Variants in CSMD1 observed in about 807,000 individuals in gnomAD.
CSMD1 encodes CUB and Sushi multiple domains 1.
A neutral mutation model predicts 417.5 loss-of-function variants in CSMD1; 213 were observed. The observed-to-expected ratio is 0.51, with a 90% CI of 0.46 to 0.57. The LOEUF (loss-of-function observed/expected upper bound fraction) is 0.57. CSMD1 is among the 20% of genes least tolerant of loss of function. The probability of loss-of-function intolerance (pLI) is 0.00; values close to 1 mark genes in which losing one functional copy is unlikely to be tolerated. For missense variants in CSMD1, 6,923 were observed against 4,529.7 expected (o/e 1.53, Z -15.17); for synonymous variants, 2,862 against 1,736.8 (o/e 1.65, Z -16.11).
At position 3,398,782 on chromosome 8, in the gene CSMD1, T is replaced by C. The variant is rs1384208705; in HGVS notation, c.2405+609A>G. Among the ~76,000 whole-genome samples, 6 of 152,204 alleles carry C rather than the reference T, an allele frequency of 3.9e-5. No individual in the cohort carries two copies. In the East Asian group the frequency reaches 9.6e-4, roughly 24 times the overall value. The stretch of plus-strand genomic sequence containing the variant: ...GAGAAATGGGAAAACCCTTCTTATA[T>C]AGAACTCCAATAGCCTGCTTATTTT... On this transcript the variant is annotated intron_variant, in intron 16 of 69. Transcript: ENST00000635120.
Position 4,787,595 on chromosome 8 carries a change from C to G in CSMD1, c.86-150037G>C, listed in dbSNP as rs1453203099. 1.6e-5 allele frequency: 25 copies of G among 1,539,812 alleles called. No homozygotes were observed. In the East Asian group the frequency reaches 4.7e-4, roughly 29 times the overall value. ...CATTGCACCCCAGTGCGAAATGATT[C>G]CAATTGAATGGGTTTGCAGAAGAAT... On this transcript the variant is annotated intron_variant, in intron 1 of 69. Transcript: ENST00000635120.
At chr8:3,957,876 G>C (rs1447093521) in intron 5 of CSMD1, among the ~76,000 whole-genome samples, 2 of 152,192 alleles carry the variant, frequency 1.3e-5, no homozygotes, top group Non-Finnish European at 2.9e-5. Flanking sequence ...GAGCCGATGT[G>C]GGGCTATCGC....
chr8:4,432,298 G>T lies in CSMD1; in HGVS notation c.303-12233C>A, dbSNP rs578052929. On this transcript the variant is annotated intron_variant, in intron 2 of 69. Coordinates refer to ENST00000635120, the MANE Select transcript of CSMD1 (RefSeq NM_033225.6). ...AGGTGTAGGTTTTTATGAGGCAAGA[G>T]CCCAGAGACTAGGCAGCTTAAGTAA... Among the ~76,000 whole-genome samples the T allele has an allele frequency of 9.2e-5, 14 of 152,250 alleles. No homozygotes were observed. In the South Asian group the frequency reaches 2.9e-3, roughly 32 times the overall value.
intron 3 of CSMD1, among the ~76,000 whole-genome samples, chr8:4,163,767 G>T (rs962616715): frequency 2.0e-5 from 3 of 152,010 alleles, no homozygotes; most frequent in Admixed American, 2.0e-4. Context: ...TTACAATTTT[G>T]GAAATGTAAT....
intron 2 of CSMD1, among the ~76,000 whole-genome samples, chr8:4,438,675 C>T (rs1461986348): frequency 6.6e-6 from 1 of 152,192 alleles, no homozygotes; most frequent in East Asian, 1.9e-4. Flanking sequence ...CAGGTAGAGC[C>T]ACTTATGCAA....
chr8:3,833,503 T>G (rs1802489229), intron 5 of CSMD1, among the ~76,000 whole-genome samples: 1 of 152,120 alleles, frequency 6.6e-6, no homozygotes, highest in Non-Finnish European at 1.5e-5. Flanking sequence ...AGCCCTTTCC[T>G]CATTCATATT....
intron 3 of CSMD1, among the ~76,000 whole-genome samples, chr8:4,144,864 C>G (rs1307157928): frequency 1.3e-5 from 2 of 150,886 alleles, no homozygotes; most frequent in Non-Finnish European, 2.9e-5. Context: ...AATTGTGTCC[C>G]TGGGAGAAGC....
intron 11 of CSMD1, among the ~76,000 whole-genome samples, chr8:3,487,694 A>G (rs1818135719): frequency 6.6e-6 from 1 of 152,176 alleles, no homozygotes; most frequent in African/African-American, 2.4e-5. Flanking sequence ...CTACAAACAC[A>G]TTGTCAAGAA....
intron 5 of CSMD1, among the ~76,000 whole-genome samples, chr8:3,809,310 G>A (rs2129076117): frequency 6.6e-6 from 1 of 152,256 alleles, no homozygotes; most frequent in African/African-American, 2.4e-5. Context: ...TTCATTGAAA[G>A]TTCTTGTTCA....
chr8:4,015,923 AC>A (rs1796501322), intron 4 of CSMD1, among the ~76,000 whole-genome samples: 1 of 152,192 alleles, frequency 6.6e-6, no homozygotes, highest in Non-Finnish European at 1.5e-5. Flanking sequence ...GCAACAAACA[AC>A]AAAATGTCTC....
chr8:3,400,880 A>C (rs908750875), intron 15 of CSMD1, among the ~76,000 whole-genome samples: 1 of 151,338 alleles, frequency 6.6e-6, no homozygotes, highest in Non-Finnish European at 1.5e-5. Flanking sequence ...GTAGTTTAAA[A>C]ATATGAAAGC....
intron 25 of CSMD1, among the ~76,000 whole-genome samples, chr8:3,301,347 G>A (rs1322647025): frequency 3.9e-5 from 6 of 152,058 alleles, no homozygotes; most frequent in African/African-American, 9.7e-5. Context: ...TTCAGATGGG[G>A]TCTAAATGAG....
chr8:3,703,547 C>T (rs993436610), intron 7 of CSMD1, among the ~76,000 whole-genome samples: 1 of 151,942 alleles, frequency 6.6e-6, no homozygotes, highest in Non-Finnish European at 1.5e-5. Flanking sequence ...GGTGTGTGAT[C>T]TGTGGGTCAT....
intron 5 of CSMD1, among the ~76,000 whole-genome samples, chr8:3,820,144 T>A (rs1377521451): frequency 1.3e-5 from 2 of 152,148 alleles, no homozygotes; most frequent in Non-Finnish European, 2.9e-5. Flanking sequence ...CCCTGGTCAG[T>A]TTAATTTGAA....
At chr8:4,546,878 C>T (rs1311677693) in intron 2 of CSMD1, among the ~76,000 whole-genome samples, 1 of 151,964 alleles carries the variant, frequency 6.6e-6, no homozygotes, top group Non-Finnish European at 1.5e-5. Flanking sequence ...CTGTACACTG[C>T]TAGTTGTCTC....
At chr8:4,208,163 G>A (rs1450981285) in intron 3 of CSMD1, among the ~76,000 whole-genome samples, 1 of 152,114 alleles carries the variant, frequency 6.6e-6, no homozygotes, top group Non-Finnish European at 1.5e-5. Context: ...TATTGTGGAG[G>A]CTAAGGTGTT....
At chr8:3,895,837 C>T (rs1040517618) in intron 5 of CSMD1, among the ~76,000 whole-genome samples, 1 of 152,192 alleles carries the variant, frequency 6.6e-6, no homozygotes, top group Non-Finnish European at 1.5e-5. Context: ...TCTGACCTGG[C>T]TTGTTCCCTT....
At chr8:4,711,360 T>C (rs1808284971) in intron 1 of CSMD1, among the ~76,000 whole-genome samples, 1 of 152,272 alleles carries the variant, frequency 6.6e-6, no homozygotes, top group South Asian at 2.1e-4. Context: ...TAGCCAAAGT[T>C]TCCAGGAAAT....
intron 1 of CSMD1, among the ~76,000 whole-genome samples, chr8:4,877,306 G>A (rs1803104414): frequency 6.6e-6 from 1 of 151,924 alleles, no homozygotes; most frequent in African/African-American, 2.4e-5. Flanking sequence ...AAGATTGGCT[G>A]CATTTAAAAA....
Sources: allele counts gnomAD v4.1 joint callset (sites outside exome capture counted in the v4.1 genomes callset), GRCh38; gene constraint gnomAD v4.1.1; transcripts MANE v1.5; gene names NCBI Gene and HGNC (gene_info 2026-07-23, HGNC 2026-07-21).